The following IKZF2 variants were observed in gnomAD, a reference collection of about 807,000 sequenced individuals.
The protein encoded by IKZF2 is IKAROS family zinc finger 2, also known as zinc finger protein Helios.
A neutral mutation model predicts 49.2 loss-of-function variants in IKZF2; 15 were observed. The ratio of observed to expected loss-of-function variants is 0.30; its 90% CI spans 0.20 to 0.47. The LOEUF (loss-of-function observed/expected upper bound fraction) is 0.47. IKZF2 is among the 20% of genes least tolerant of loss of function. IKZF2 has a pLI of 1.00. For missense variants in IKZF2, 567 were observed against 664.6 expected (o/e 0.85, Z 1.61); for synonymous variants, 227 against 221.4 (o/e 1.03, Z -0.23).
intron 4 of IKZF2, among the ~76,000 whole-genome samples, chr2:213,073,706 T>C (rs1329565922): frequency 6.6e-6 from 1 of 152,228 alleles, no homozygotes; most frequent in African/African-American, 2.4e-5. Context: ...AACTTATGAA[T>C]AACATAATTT....
At chr2:213,056,597 T>C in intron 5 of IKZF2, 1 of 644,480 alleles carries the variant, frequency 1.6e-6, no homozygotes, top group Non-Finnish European at 2.8e-6. Context: ...ATTGCTATAT[T>C]AAGAACTGTG....
chr2:213,086,380 T>C (rs571549278), intron 4 of IKZF2, among the ~76,000 whole-genome samples: 7 of 152,256 alleles, frequency 4.6e-5, no homozygotes, highest in East Asian at 1.9e-4. Context: ...CAACAAAATA[T>C]AGTTTTAACA....
At chr2:213,020,471 A>G (rs1697086823) in intron 7 of IKZF2, among the ~76,000 whole-genome samples, 1 of 152,138 alleles carries the variant, frequency 6.6e-6, no homozygotes, top group Admixed American at 6.6e-5. Flanking sequence ...TCCGAGACGC[A>G]CCATTTTGTA....
chr2:213,124,240 T>TCGCGCGCGCGCGCG (rs143337769), intron 4 of IKZF2, among the ~76,000 whole-genome samples: 1 of 118,344 alleles, frequency 8.4e-6, no homozygotes, highest in Admixed American at 8.2e-5. Context: ...ACACATGCGC[T>TCGCGCGCGCGCGCG]CGCGCGCGCG....
chr2:213,147,782 T>C lies in IKZF2; in HGVS notation c.65A>G (p.His22Arg), dbSNP rs776436617. Residue 22 changes from histidine to arginine, a missense_variant, in exon 4 of 9, where the codon CAC (histidine) becomes CGC (arginine). This residue lies in a region of IKZF2 where 156 missense variants were observed against 138.5 expected (regional missense o/e 1.13). Coordinates refer to ENST00000434687, the MANE Select transcript of IKZF2 (RefSeq NM_001387220.1). ...GGTGAGGTCAATTGCCATATTGGAGTGCTCCCTTTCGGGTGAAAGCTCATT... is the reference window on the plus strand; with the variant it reads ...GGTGAGGTCAATTGCCATATTGGAGCGCTCCCTTTCGGGTGAAAGCTCATT... ...CDNELSPERE[H>R]SNMAIDLTSS... The C allele has an allele frequency of 3.1e-6, 5 of 1,613,878 alleles. No homozygotes were observed. The Admixed American group carries it at 8.3e-5, about 27-fold the overall frequency.
chr2:213,101,512 G>A (rs1339079290), intron 4 of IKZF2, among the ~76,000 whole-genome samples: 2 of 151,364 alleles, frequency 1.3e-5, no homozygotes, highest in African/African-American at 4.9e-5. Context: ...TGTTTTTCTG[G>A]CAACTGACAC....
chr2:213,034,650 T>A (rs1442954636), intron 6 of IKZF2, among the ~76,000 whole-genome samples: 1 of 152,200 alleles, frequency 6.6e-6, no homozygotes, highest in Non-Finnish European at 1.5e-5. Context: ...TAGGTGTGGT[T>A]CGTGGTATCC....
At chr2:213,022,197 A>T (rs964012428) in intron 6 of IKZF2, 67 bp from the exon 7 acceptor site, 2 of 1,408,570 alleles carry the variant, frequency 1.4e-6, no homozygotes, top group Non-Finnish European at 1.9e-6. Context: ...ATCAATAGCT[A>T]ACTTTTGATA....
intron 4 of IKZF2, among the ~76,000 whole-genome samples, chr2:213,121,065 CTG>C (rs1356204902): frequency 6.6e-6 from 1 of 152,146 alleles, no homozygotes; most frequent in Non-Finnish European, 1.5e-5. Flanking sequence ...TATGATGTAA[CTG>C]TGAAATCTGA....
At chr2:213,133,703 A>AAAATAAATAAAT (rs145388709) in intron 4 of IKZF2, among the ~76,000 whole-genome samples, 5,829 of 145,420 alleles carry the variant, frequency 0.04, 242 homozygotes, top group African/African-American at 0.1. Flanking sequence ...CCGTCTCGAA[A>AAAATAAATAAAT]AAATAAATAA....
chr2:213,125,822 T>TA (rs146931365), intron 4 of IKZF2, among the ~76,000 whole-genome samples: 3,314 of 151,446 alleles, frequency 0.022, 126 homozygotes, highest in African/African-American at 0.076. Flanking sequence ...ACGTTGGTAT[T>TA]AAAAAAAAAT....
chr2:213,034,038 C>A (rs1327546576), intron 6 of IKZF2, among the ~76,000 whole-genome samples: 1 of 152,252 alleles, frequency 6.6e-6, no homozygotes, highest in Non-Finnish European at 1.5e-5. Context: ...CCTCACCTTG[C>A]ACTTTTATGT....
intron 4 of IKZF2, among the ~76,000 whole-genome samples, chr2:213,108,055 G>GA (rs1461556307): frequency 6.6e-6 from 1 of 151,888 alleles, no homozygotes; most frequent in Non-Finnish European, 1.5e-5. Flanking sequence ...GTAAACTTGG[G>GA]AAAAAAACGA....
At chr2:213,132,319 C>CAA in intron 4 of IKZF2, among the ~76,000 whole-genome samples, 1 of 124,276 alleles carries the variant, frequency 8.0e-6, no homozygotes, top group African/African-American at 3.0e-5. Context: ...TAAAGGCATC[C>CAA]AAAAAAAAAA....
chr2:213,009,495 G>A (rs1421698605), intron 8 of IKZF2, among the ~76,000 whole-genome samples: 1 of 152,014 alleles, frequency 6.6e-6, no homozygotes, highest in Admixed American at 6.6e-5. Flanking sequence ...TGTAATTTTG[G>A]CAGATACTCT....
At chr2:213,090,225 A>G (rs995236165) in intron 4 of IKZF2, among the ~76,000 whole-genome samples, 17 of 152,318 alleles carry the variant, frequency 1.1e-4, no homozygotes, top group African/African-American at 3.8e-4. Flanking sequence ...GGTCACAGGT[A>G]CATGGTGAAG....
chr2:213,031,043 C>T (rs952383707), intron 6 of IKZF2, among the ~76,000 whole-genome samples: 1 of 152,184 alleles, frequency 6.6e-6, no homozygotes, highest in African/African-American at 2.4e-5. Context: ...CCAGGCTGGT[C>T]TTGAACTCCT....
intron 4 of IKZF2, among the ~76,000 whole-genome samples, chr2:213,133,736 T>A (rs945214339): frequency 1.1e-4 from 12 of 110,490 alleles, no homozygotes; most frequent in Admixed American, 2.7e-4. Flanking sequence ...ATAAATAAAA[T>A]AAATATTCAC....
At chr2:213,146,781 A>T (rs2061089185) in intron 4 of IKZF2, among the ~76,000 whole-genome samples, 1 of 149,416 alleles carries the variant, frequency 6.7e-6, no homozygotes, top group Non-Finnish European at 1.5e-5. Flanking sequence ...AGGAAAGAGA[A>T]TGCCTTTCCT....
Sources: allele counts gnomAD v4.1 joint callset (sites outside exome capture counted in the v4.1 genomes callset), GRCh38; gene constraint gnomAD v4.1.1; regional missense constraint gnomAD v4.1.1; transcripts MANE v1.5; gene names NCBI Gene and HGNC (gene_info 2026-07-23, HGNC 2026-07-21).